Variants in BLTP3B observed in about 807,000 individuals in gnomAD.
The protein encoded by BLTP3B is UHRF1 (ICBP90) binding protein 1-like.
the BLTP3B span, among the ~76,000 whole-genome samples, chr12:100,141,355 T>C: frequency 4.6e-5 from 7 of 151,798 alleles, no homozygotes; most frequent in Non-Finnish European, 1.0e-4. Flanking sequence ...ATATGTGTAG[T>C]GTATACACAT....
the BLTP3B span, among the ~76,000 whole-genome samples, chr12:100,130,961 TAGAG>T: frequency 1.1e-4 from 10 of 93,606 alleles, no homozygotes; most frequent in African/African-American, 3.2e-4. Context: ...TATATATATA[TAGAG>T]AGAGAGAGAG....
At chr12:100,039,133 C>G in the BLTP3B span, among the ~76,000 whole-genome samples, 3 of 151,368 alleles carry the variant, frequency 2.0e-5, 1 homozygote, top group African/African-American at 7.3e-5. Context: ...GATTAAAACT[C>G]TGCTGAACAT....
chr12:100,039,675 G>A, the BLTP3B span: 36 of 1,614,028 alleles, frequency 2.2e-5, no homozygotes, highest in South Asian at 3.7e-4. Flanking sequence ...GCTTGTCTGA[G>A]TGGCTTGCGT....
the BLTP3B span, among the ~76,000 whole-genome samples, chr12:100,138,882 CACACT>C: frequency 6.6e-6 from 1 of 150,856 alleles, no homozygotes; most frequent in Non-Finnish European, 1.5e-5. Flanking sequence ...CACACACACA[CACACT>C]AATGTCTTGA....
the BLTP3B span, among the ~76,000 whole-genome samples, chr12:100,126,023 T>C: frequency 6.6e-6 from 1 of 152,142 alleles, no homozygotes. Flanking sequence ...CCCAACACTT[T>C]GGGAGGCTGA....
chr12:100,140,236 ATTAAC>A, the BLTP3B span, among the ~76,000 whole-genome samples: 3 of 152,144 alleles, frequency 2.0e-5, no homozygotes, highest in South Asian at 4.1e-4. Context: ...TAGCAGTAAG[ATTAAC>A]TTATTAACCA....
the BLTP3B span, among the ~76,000 whole-genome samples, chr12:100,048,730 G>C: frequency 7.2e-6 from 1 of 137,952 alleles, no homozygotes; most frequent in Admixed American, 7.3e-5. Flanking sequence ...TTATAGTAAG[G>C]GGGGGGAGAG....
chr12:100,084,910 T>G, the BLTP3B span, among the ~76,000 whole-genome samples: 1 of 152,158 alleles, frequency 6.6e-6, no homozygotes, highest in Non-Finnish European at 1.5e-5. Flanking sequence ...TCACTAAGAT[T>G]CAATTTAAAG....
At chr12:100,102,959 A>C in the BLTP3B span, 3 of 765,008 alleles carry the variant, frequency 3.9e-6, no homozygotes, top group Non-Finnish European at 5.7e-6. Context: ...CTTTAGGAAG[A>C]AAGTAAAAAG....
the BLTP3B span, chr12:100,086,371 AAGG>A: frequency 4.2e-5 from 20 of 471,112 alleles, no homozygotes; most frequent in Non-Finnish European, 6.7e-5. Flanking sequence ...GGGAAAAAAA[AAGG>A]GGGGGGGGGA....
At chr12:100,072,394 A>G in the BLTP3B span, among the ~76,000 whole-genome samples, 2 of 152,184 alleles carry the variant, frequency 1.3e-5, no homozygotes, top group African/African-American at 2.4e-5. Flanking sequence ...AGACTTATGC[A>G]CTATACACAA....
At chr12:100,056,776 T>A in the BLTP3B span, among the ~76,000 whole-genome samples, 2 of 150,990 alleles carry the variant, frequency 1.3e-5, no homozygotes, top group Non-Finnish European at 2.9e-5. Flanking sequence ...GGCAGAGGTT[T>A]CAGTAAGCTG....
At chr12:100,046,777 T>C in the BLTP3B span, among the ~76,000 whole-genome samples, 1 of 151,792 alleles carries the variant, frequency 6.6e-6, no homozygotes, top group African/African-American at 2.4e-5. Flanking sequence ...GAGAGAACAA[T>C]GGAAGGATGA....
chr12:100,038,326 G>C, the BLTP3B span, among the ~76,000 whole-genome samples: 1 of 151,972 alleles, frequency 6.6e-6, no homozygotes, highest in Non-Finnish European at 1.5e-5. Context: ...AATTCTGAAT[G>C]TGTCATCAGA....
the BLTP3B span, among the ~76,000 whole-genome samples, chr12:100,104,624 T>C: frequency 1.3e-5 from 2 of 151,982 alleles, no homozygotes; most frequent in Admixed American, 6.6e-5. Flanking sequence ...GCAATCATTT[T>C]GTAAATATTC....
the BLTP3B span, among the ~76,000 whole-genome samples, chr12:100,075,506 C>T: frequency 6.6e-6 from 1 of 152,116 alleles, no homozygotes; most frequent in South Asian, 2.1e-4. Flanking sequence ...CATTGGAGAG[C>T]TTCTATACAG....
the BLTP3B span, chr12:100,089,108 G>T: frequency 6.8e-7 from 1 of 1,477,838 alleles, no homozygotes; most frequent in Non-Finnish European, 9.0e-7. Flanking sequence ...AAAAAGATTC[G>T]AAACTGCCTT....
At chr12:100,123,157 A>G in the BLTP3B span, among the ~76,000 whole-genome samples, 2 of 152,122 alleles carry the variant, frequency 1.3e-5, no homozygotes. Flanking sequence ...TCCCTAGCAG[A>G]GTGTCTGAGA....
chr12:100,128,572 A>C, the BLTP3B span: 5 of 1,233,744 alleles, frequency 4.1e-6, no homozygotes, highest in Non-Finnish European at 5.2e-6. Flanking sequence ...GGGGAATAGA[A>C]GTATTACCTG....
Sources: gnomAD v4.1 joint callset for allele counts (sites outside exome capture counted in the v4.1 genomes callset) on GRCh38, gnomAD v4.1.1 for gene constraint, MANE v1.5 for transcripts, NCBI Gene and HGNC (gene_info 2026-07-23, HGNC 2026-07-21) for gene names.